WDR4: variants seen among roughly 807,000 people sequenced by gnomAD.
WDR4 encodes the protein WDR4 tRNA N7-guanosine methyltransferase non-catalytic subunit, also known as tRNA (guanine-N(7)-)-methyltransferase non-catalytic subunit WDR4.
In WDR4, 47 loss-of-function variants were observed where a neutral mutation model predicts 48.6. The ratio of observed to expected loss-of-function variants is 0.97; its 90% CI spans 0.77 to 1.23. The LOEUF is 1.23. Among genes scored for constraint, WDR4 ranks in the 50% most tolerant of loss-of-function variants. WDR4 has a pLI of 0.00. For missense variants in WDR4, 606 were observed against 551.6 expected, an observed-to-expected ratio of 1.10 and a Z score of -0.99; for synonymous variants, 268 against 230.0, an observed-to-expected ratio of 1.17 and a Z score of -1.49.
In WDR4 at chr21:42,855,683, T is replaced by C; in HGVS notation, c.725A>G (p.Gln242Arg). Reference protein sequence around the residue: ...LQELVDPQAPQKFAASRIAFW... With the variant: ...LQELVDPQAPRKFAASRIAFW... ...CCAGGAGTGAACAGAAGCAGCTACC[T>C]GGGGGGCCTGGGGGTCCACCAGCTC... Residue 242 changes from glutamine to arginine, a missense_variant and splice_region_variant, in exon 7 of 11, where the codon CAG (glutamine) becomes CGG (arginine). Transcript: ENST00000398208. 1 of 1,548,842 alleles carries C rather than the reference T, an allele frequency of 6.5e-7. No homozygotes were observed.
the WDR4 span, among the ~76,000 whole-genome samples, chr21:42,889,786 T>C: frequency 6.6e-6 from 1 of 152,188 alleles, no homozygotes; most frequent in East Asian, 1.9e-4. Flanking sequence ...TTCGTTCTGC[T>C]GCCCAGTCTG....
intron 6 of WDR4, among the ~76,000 whole-genome samples, chr21:42,858,064 A>G (rs2058035574): frequency 6.6e-6 from 1 of 152,116 alleles, no homozygotes; most frequent in Non-Finnish European, 1.5e-5. Flanking sequence ...TGCACTCCAG[A>G]CTGGGAGACA....
intron 1 of WDR4, among the ~76,000 whole-genome samples, chr21:42,877,949 G>A (rs955653723): frequency 2.7e-5 from 4 of 150,726 alleles, no homozygotes; most frequent in Non-Finnish European, 5.9e-5. Flanking sequence ...GGAGGCTGAG[G>A]CAGGAGAATG....
intron 10 of WDR4, 112 bp downstream of exon 10, chr21:42,852,143 C>T (rs2057847264): frequency 1.8e-6 from 2 of 1,126,860 alleles, no homozygotes; most frequent in East Asian, 5.0e-5. Flanking sequence ...GCTTACTCTC[C>T]CTCTTTATCT....
At chr21:42,865,447 C>G (rs935409173) in intron 3 of WDR4, among the ~76,000 whole-genome samples, 16 of 152,136 alleles carry the variant, frequency 1.1e-4, no homozygotes, top group Non-Finnish European at 2.4e-4. Flanking sequence ...GCTCATCCCC[C>G]CAGCCTGGCT....
intron 6 of WDR4, among the ~76,000 whole-genome samples, chr21:42,857,871 G>A (rs187663605): frequency 6.6e-5 from 10 of 152,200 alleles, no homozygotes; most frequent in Admixed American, 4.6e-4. Context: ...TGGGTGGATC[G>A]CTTGAGGTCA....
chr21:42,862,474 G>A lies in WDR4; in HGVS notation c.454-80C>T. The A allele has an allele frequency of 7.3e-7, 1 of 1,365,908 alleles. No homozygotes were observed. The highest frequency in any genetic ancestry group is 2.1e-5 in the Admixed American group (1 of 48,616). The allele number at this position is 1,365,908 out of a possible 1,614,324, so 84.6% of individuals were successfully genotyped here. On this transcript the variant is annotated intron_variant, in intron 4 of 10. Transcript: ENST00000398208. The surrounding 1 kb of genome is among the most constrained non-coding windows in gnomAD (Gnocchi z 4.3). The stretch of plus-strand genomic sequence containing the variant: ...CAAGTCCCTCATGGAAGAAGGCAGG[G>A]AAGCTGCAGCCTGGCCGCCAAGAGG...
At chr21:42,885,416 G>C in the WDR4 span, among the ~76,000 whole-genome samples, 2 of 152,036 alleles carry the variant, frequency 1.3e-5, no homozygotes, top group African/African-American at 4.8e-5. Context: ...TTCGAGACCA[G>C]CCTGGCCAAC....
chr21:42,844,326 A>T (rs1313377126), downstream of WDR4, among the ~76,000 whole-genome samples: 1 of 152,182 alleles, frequency 6.6e-6, no homozygotes, highest in Non-Finnish European at 1.5e-5. Context: ...AAGCTTATCA[A>T]ATTACAGAAA....
downstream of WDR4, among the ~76,000 whole-genome samples, chr21:42,845,839 A>T (rs1325213318): frequency 1.3e-5 from 2 of 152,228 alleles, no homozygotes; most frequent in Non-Finnish European, 2.9e-5. Flanking sequence ...AATGTTCCAG[A>T]AGACGGGTGC....
intron 9 of WDR4, 61 bp downstream of exon 9, chr21:42,853,508 C>A: frequency 6.5e-7 from 1 of 1,536,558 alleles, no homozygotes. Context: ...AGCTGCCGCC[C>A]CACACCCCCA....
intron 3 of WDR4, among the ~76,000 whole-genome samples, chr21:42,871,811 C>G (rs1351784934): frequency 6.6e-6 from 1 of 152,182 alleles, no homozygotes; most frequent in Non-Finnish European, 1.5e-5. Flanking sequence ...CTACCTGATA[C>G]ACAAAGACAC....
chr21:42,879,284 G>A, intron 1 of WDR4, 123 bp downstream of exon 1: 1 of 1,417,990 alleles, frequency 7.1e-7, no homozygotes, highest in Non-Finnish European at 9.2e-7. Flanking sequence ...GTGGGCTGGA[G>A]CGGAGTTCCC....
At chr21:42,843,969 G>T (rs1162214744) in intron 11 of WDR4, among the ~76,000 whole-genome samples, 1 of 152,188 alleles carries the variant, frequency 6.6e-6, no homozygotes, top group Non-Finnish European at 1.5e-5. Context: ...GGGATCACAG[G>T]TGTGAGCCGC....
chr21:42,863,482 A>G lies in WDR4; in HGVS notation c.411T>C (p.Cys137=). 6.2e-7 allele frequency: 1 copy of G among 1,613,438 alleles called. No individual in the cohort carries two copies. Among genetic ancestry groups the G allele is most frequent in the South Asian group, 1.1e-5 (1 of 91,030 alleles). Residue 137 remains cysteine (C), a synonymous_variant, in exon 4 of 11, where the codon TGT becomes TGC. Coordinates refer to ENST00000398208, the MANE Select transcript of WDR4 (RefSeq NM_018669.6). The part of the protein sequence containing the change: ...YSFSVLEPHG[C]GRLELGHLSM... ...ACAGGTGCCCCAGCTCTAGACGGCC[A>G]CACCCGTGTGGCTCCAGCACCGAAA...
chr21:42,891,431 GTTTCTT>G, the WDR4 span, among the ~76,000 whole-genome samples: 1 of 151,580 alleles, frequency 6.6e-6, no homozygotes, highest in Non-Finnish European at 1.5e-5. Context: ...TTTTCTTTTT[GTTTCTT>G]CTTGAGTGTT....
intron 6 of WDR4, 110 bp downstream of exon 6, chr21:42,859,552 A>AGCTAGCCAGGG: frequency 1.3e-5 from 8 of 625,418 alleles, no homozygotes; most frequent in Non-Finnish European, 2.0e-5. Context: ...GGACAGCCAC[A>AGCTAGCCAGGG]GCCAGCCAGG....
intron 8 of WDR4, 116 bp downstream of exon 8, chr21:42,854,446 A>G: frequency 4.8e-6 from 5 of 1,039,898 alleles, no homozygotes; most frequent in Non-Finnish European, 6.9e-6. Context: ...TGCTAGACCA[A>G]TACCACCACC....
At chr21:42,885,229 T>C in the WDR4 span, among the ~76,000 whole-genome samples, 3 of 152,168 alleles carry the variant, frequency 2.0e-5, no homozygotes, top group African/African-American at 7.2e-5. Context: ...CACCCTTTTT[T>C]CCTCACATTT....
Sources: allele counts gnomAD v4.1 joint callset (sites outside exome capture counted in the v4.1 genomes callset), GRCh38; gene constraint gnomAD v4.1.1; non-coding constraint Gnocchi (gnomAD v3.1); transcripts MANE v1.5; gene names NCBI Gene and HGNC (gene_info 2026-07-23, HGNC 2026-07-21).